Variants in GALNT13 observed in about 807,000 individuals in gnomAD.
GALNT13 encodes polypeptide N-acetylgalactosaminyltransferase 13.
GALNT13 carries 28 observed loss-of-function variants against 64.2 expected under a neutral mutation model. That is an observed-to-expected ratio of 0.44 (90% confidence interval 0.32 to 0.60). The LOEUF is 0.60. Ranked by LOEUF, GALNT13 falls within the 20% of genes least tolerant of loss-of-function variation. The probability of loss-of-function intolerance (pLI) is 0.05; values close to 1 mark genes in which losing one functional copy is unlikely to be tolerated. For synonymous variants in GALNT13, 214 were observed against 224.6 expected (o/e 0.95, Z 0.42); for missense variants, 577 against 669.8 (o/e 0.86, Z 1.53).
intron 3 of GALNT13, among the ~76,000 whole-genome samples, chr2:154,084,340 A>G (rs1297642009): frequency 1.3e-5 from 2 of 151,896 alleles, no homozygotes; most frequent in South Asian, 2.1e-4. Flanking sequence ...AGTTTCTACT[A>G]TACCAGTTTG....
At chr2:153,200,622 G>A in the GALNT13 span, among the ~76,000 whole-genome samples, 3 of 152,298 alleles carry the variant, frequency 2.0e-5, no homozygotes, top group East Asian at 5.8e-4. Context: ...TCTAGCAAAA[G>A]CACAGGAAAT....
At chr2:154,207,719 G>GA (rs1301178431) in intron 4 of GALNT13, among the ~76,000 whole-genome samples, 1 of 152,066 alleles carries the variant, frequency 6.6e-6, no homozygotes, top group East Asian at 1.9e-4. Flanking sequence ...AATTAAGAAG[G>GA]AAAAAATTCA....
the GALNT13 span, among the ~76,000 whole-genome samples, chr2:153,627,777 G>C: frequency 2.6e-5 from 4 of 152,112 alleles, no homozygotes; most frequent in African/African-American, 9.7e-5. Flanking sequence ...CTTGAAGTCA[G>C]GTAGCGTGAT....
At chr2:153,394,548 G>A in the GALNT13 span, among the ~76,000 whole-genome samples, 1 of 151,980 alleles carries the variant, frequency 6.6e-6, no homozygotes, top group Non-Finnish European at 1.5e-5. Context: ...AAAAACAGTT[G>A]AAGGCTCTAC....
the GALNT13 span, among the ~76,000 whole-genome samples, chr2:153,814,178 C>G: frequency 2.0e-5 from 3 of 152,178 alleles, no homozygotes; most frequent in Admixed American, 6.5e-5. Context: ...CGGTGGCTCA[C>G]GCCTGTAATC....
chr2:154,393,849 C>T (rs62172316), intron 9 of GALNT13, among the ~76,000 whole-genome samples: 12,001 of 151,448 alleles, frequency 0.079, 610 homozygotes, highest in African/African-American at 0.13. Flanking sequence ...GAGGCCGAGG[C>T]GGGCGGATCA....
At chr2:153,562,387 CACTT>C in the GALNT13 span, among the ~76,000 whole-genome samples, 532 of 152,162 alleles carry the variant, frequency 3.5e-3, 6 homozygotes, top group Non-Finnish European at 5.7e-3. Context: ...TAGTGACAAT[CACTT>C]ACACCAAATC....
rs139697404 is a variant in GALNT13, at chr2:154,124,452, A to G, written c.143-15885A>G. On this transcript the variant is annotated intron_variant, in intron 3 of 12. Coordinates refer to ENST00000392825, the MANE Select transcript of GALNT13 (RefSeq NM_052917.4). ...AACAAATAATATTGCAAATAAAGCC[A>G]GTATTAAGTGGACTTCATTTCCTAC... Among the ~76,000 whole-genome samples the G allele has an allele frequency of 7.9e-5, 12 of 152,198 alleles. No individual in the cohort carries two copies. The East Asian group carries it at 2.3e-3, about 29-fold the overall frequency.
chr2:153,212,742 T>C, the GALNT13 span, among the ~76,000 whole-genome samples: 1 of 152,232 alleles, frequency 6.6e-6, no homozygotes, highest in Admixed American at 6.5e-5. Flanking sequence ...ATTCTTTTTA[T>C]TATTAATCTG....
At chr2:153,330,133 A>G in the GALNT13 span, among the ~76,000 whole-genome samples, 1 of 152,132 alleles carries the variant, frequency 6.6e-6, no homozygotes, top group Non-Finnish European at 1.5e-5. Context: ...CCAATCATCT[A>G]TGAGTCTGTT....
the GALNT13 span, among the ~76,000 whole-genome samples, chr2:153,734,043 G>A: frequency 6.6e-6 from 1 of 152,050 alleles, no homozygotes; most frequent in Non-Finnish European, 1.5e-5. Flanking sequence ...GGACCGTGTT[G>A]GTGTTCTATT....
At chr2:153,985,347 A>G (rs1033162150) in intron 3 of GALNT13, among the ~76,000 whole-genome samples, 10 of 151,964 alleles carry the variant, frequency 6.6e-5, no homozygotes, top group Non-Finnish European at 1.3e-4. Flanking sequence ...CCAGACTCTT[A>G]TCTTCACTGT....
At chr2:153,115,536 G>A in the GALNT13 span, among the ~76,000 whole-genome samples, 6 of 152,080 alleles carry the variant, frequency 3.9e-5, no homozygotes, top group Middle Eastern at 3.4e-3. Flanking sequence ...GATCATTGTC[G>A]GTATTTCCTT....
chr2:154,188,488 G>A (rs1006199762), intron 4 of GALNT13, among the ~76,000 whole-genome samples: 1 of 152,112 alleles, frequency 6.6e-6, no homozygotes, highest in Non-Finnish European at 1.5e-5. Flanking sequence ...TAGGCCAACT[G>A]CCAGCTGAGG....
chr2:153,525,040 A>T, the GALNT13 span, among the ~76,000 whole-genome samples: 5 of 152,178 alleles, frequency 3.3e-5, no homozygotes, highest in Non-Finnish European at 7.4e-5. Context: ...TTTGTCTTGC[A>T]TTCTGGATAC....
the GALNT13 span, among the ~76,000 whole-genome samples, chr2:153,211,929 G>C: frequency 6.6e-6 from 1 of 152,236 alleles, no homozygotes; most frequent in African/African-American, 2.4e-5. Context: ...CTTGTAGCAG[G>C]TAGCATGCTC....
the GALNT13 span, among the ~76,000 whole-genome samples, chr2:153,195,119 C>T: frequency 1.3e-4 from 20 of 152,132 alleles, 1 homozygote; most frequent in African/African-American, 4.3e-4. Flanking sequence ...TGAGTCCTTT[C>T]GTCCCTTGGA....
the GALNT13 span, among the ~76,000 whole-genome samples, chr2:153,822,416 G>A: frequency 6.6e-6 from 1 of 151,996 alleles, no homozygotes; most frequent in Non-Finnish European, 1.5e-5. Flanking sequence ...GGGATATAGG[G>A]TTAGTTCCAC....
At chr2:153,610,671 AAAAAAT>A in the GALNT13 span, among the ~76,000 whole-genome samples, 1 of 151,796 alleles carries the variant, frequency 6.6e-6, no homozygotes. Flanking sequence ...TTCTGTCTCC[AAAAAAT>A]AAAAATAAAA....
Sources: allele counts gnomAD v4.1 joint callset (sites outside exome capture counted in the v4.1 genomes callset), GRCh38; gene constraint gnomAD v4.1.1; transcripts MANE v1.5; gene names NCBI Gene and HGNC (gene_info 2026-07-23, HGNC 2026-07-21).